SEMA5A: variants seen among roughly 807,000 people sequenced by gnomAD.
The protein encoded by SEMA5A is semaphorin 5A, also known as semaphorin-5A.
A neutral mutation model predicts 135.5 loss-of-function variants in SEMA5A; 55 were observed. That is an observed-to-expected ratio of 0.41 (90% CI 0.33 to 0.51). SEMA5A has a LOEUF of 0.51. Ranked by LOEUF, SEMA5A falls within the 20% of genes least tolerant of loss-of-function variation. The pLI, the probability that SEMA5A is intolerant of heterozygous loss-of-function variation, is 0.37. For synonymous variants in SEMA5A, 580 were observed against 546.5 expected (o/e 1.06, Z -0.85); for missense variants, 1,290 against 1,419.9 (o/e 0.91, Z 1.47).
At chr5:9,221,583 T>G (rs950115106) in intron 8 of SEMA5A, among the ~76,000 whole-genome samples, 73 of 152,170 alleles carry the variant, frequency 4.8e-4, no homozygotes, top group African/African-American at 1.7e-3. Flanking sequence ...ATTACAGGCG[T>G]GAGCCACCGC....
chr5:9,108,243 G>A lies in SEMA5A; in HGVS notation c.1970C>T (p.Thr657Ile). Reference sequence around the variant, plus strand: ...GCACCGTTCCCAAGGACCCCAGCCTGTCCAGAACATGTGTGGGGGACATAG... The same window carrying A: ...GCACCGTTCCCAAGGACCCCAGCCTATCCAGAACATGTGTGGGGGACATAG... ...HLLCPPHMFW[T>I]GWGPWERCTA... The change falls in exon 16 of 23, where the codon ACA becomes ATA. Residue 657 changes from threonine (T) to isoleucine (I), a missense_variant. Thr to Ile is a moderately conservative substitution (Grantham distance 89). Around this residue, in one of 3 missense-constraint regions of SEMA5A, gnomAD observed 1,029 missense variants for 1,086.6 expected, o/e 0.95. Transcript: ENST00000382496. 2 of 1,614,166 alleles carry A rather than the reference G, an allele frequency of 1.2e-6. No individual in the cohort carries two copies. Among genetic ancestry groups the A allele is most frequent in the Non-Finnish European group, 1.7e-6 (2 of 1,180,024 alleles).
intron 11 of SEMA5A, among the ~76,000 whole-genome samples, chr5:9,176,764 C>T (rs1744228133): frequency 6.6e-6 from 1 of 152,162 alleles, no homozygotes; most frequent in Non-Finnish European, 1.5e-5. Context: ...AGGATGGCCA[C>T]TCTGCCAGCT....
intron 2 of SEMA5A, among the ~76,000 whole-genome samples, chr5:9,384,639 GATAGA>G: frequency 1.1e-5 from 1 of 94,206 alleles, no homozygotes; most frequent in East Asian, 2.5e-4. Context: ...TAGATAGATA[GATAGA>G]TAGATAGATA....
chr5:9,389,592 G>T (rs1756060392), intron 2 of SEMA5A, among the ~76,000 whole-genome samples: 1 of 152,068 alleles, frequency 6.6e-6, no homozygotes, highest in South Asian at 2.1e-4. Flanking sequence ...TCCTCATTTT[G>T]TGAGTGTCTT....
chr5:9,396,231 T>G (rs1393458259), intron 2 of SEMA5A, among the ~76,000 whole-genome samples: 1 of 137,754 alleles, frequency 7.3e-6, no homozygotes, highest in Admixed American at 7.7e-5. Flanking sequence ...CTCTTTTGAT[T>G]TAATGCGCGT....
At chr5:9,225,144 G>C (rs1747222767) in intron 7 of SEMA5A, among the ~76,000 whole-genome samples, 1 of 151,962 alleles carries the variant, frequency 6.6e-6, no homozygotes, top group Non-Finnish European at 1.5e-5. Context: ...CACAAAATAA[G>C]AAATAAGATC....
intron 5 of SEMA5A, among the ~76,000 whole-genome samples, chr5:9,244,387 A>G (rs566499226): frequency 1.3e-5 from 2 of 152,270 alleles, no homozygotes; most frequent in African/African-American, 4.8e-5. Flanking sequence ...TGGTCTCTGA[A>G]CAAAGCAGAC....
chr5:9,162,581 TATATAC>T (rs1361432058), intron 11 of SEMA5A, among the ~76,000 whole-genome samples: 1 of 115,332 alleles, frequency 8.7e-6, no homozygotes, highest in Admixed American at 9.2e-5. Flanking sequence ...TATATATATA[TATATAC>T]ACACACACAC....
At position 9,237,815 on chromosome 5, in the gene SEMA5A, G is replaced by A. The variant is rs368141486; in HGVS notation, c.333+13C>T. The A allele has an allele frequency of 5.5e-5, 89 of 1,612,624 alleles. No individual in the cohort carries two copies. The African/African-American group carries it at 9.6e-4, about 17-fold the overall frequency. On this transcript the variant is annotated intron_variant, in intron 6 of 22. Coordinates refer to ENST00000382496, the MANE Select transcript of SEMA5A (RefSeq NM_003966.3). ...GACAGGGTGATGGCTGCTCATAATT[G>A]CATTCTTCTTACCTTTGATTTGCCT...
chr5:9,300,048 G>A (rs926523966), intron 5 of SEMA5A, among the ~76,000 whole-genome samples: 8 of 151,932 alleles, frequency 5.3e-5, no homozygotes, highest in South Asian at 2.1e-4. Context: ...TTTGGGGGGC[G>A]GGGGGCAGGT....
intron 16 of SEMA5A, among the ~76,000 whole-genome samples, chr5:9,068,101 C>G (rs1373680789): frequency 6.6e-6 from 1 of 152,108 alleles, no homozygotes; most frequent in East Asian, 1.9e-4. Flanking sequence ...AGGTTGTAGT[C>G]TTTCTCTATA....
chr5:9,487,059 A>T (rs1013402131), intron 1 of SEMA5A, among the ~76,000 whole-genome samples: 10 of 152,186 alleles, frequency 6.6e-5, no homozygotes, highest in African/African-American at 2.2e-4. Flanking sequence ...AACAAAACAA[A>T]ACACTATCAC....
At chr5:9,368,134 C>G (rs1393310130) in intron 3 of SEMA5A, among the ~76,000 whole-genome samples, 2 of 152,162 alleles carry the variant, frequency 1.3e-5, no homozygotes, top group East Asian at 1.9e-4. Flanking sequence ...TAAAGATAAT[C>G]TTGGATTTCA....
chr5:9,332,595 C>T (rs886151766), intron 4 of SEMA5A, among the ~76,000 whole-genome samples: 2 of 141,000 alleles, frequency 1.4e-5, no homozygotes, highest in African/African-American at 2.7e-5. Context: ...AGGTGTGCAA[C>T]GTGTGAAGTT....
chr5:9,144,597 G>T (rs538756536), intron 12 of SEMA5A, among the ~76,000 whole-genome samples: 134 of 152,260 alleles, frequency 8.8e-4, no homozygotes, highest in African/African-American at 3.2e-3. Flanking sequence ...ATGACTGCTG[G>T]GCAGCCGGTG....
chr5:9,093,208 C>T (rs1739130017), intron 16 of SEMA5A, among the ~76,000 whole-genome samples: 1 of 152,156 alleles, frequency 6.6e-6, no homozygotes, highest in African/African-American at 2.4e-5. Flanking sequence ...ATACATATAT[C>T]TGAAACCATA....
intron 15 of SEMA5A, among the ~76,000 whole-genome samples, chr5:9,111,382 C>A (rs1044556234): frequency 2.0e-5 from 3 of 152,186 alleles, no homozygotes; most frequent in African/African-American, 7.2e-5. Flanking sequence ...AGCAACTGAG[C>A]TACCATTTCC....
At chr5:9,187,026 C>A (rs1362008020) in intron 11 of SEMA5A, among the ~76,000 whole-genome samples, 2 of 152,074 alleles carry the variant, frequency 1.3e-5, no homozygotes, top group Non-Finnish European at 2.9e-5. Flanking sequence ...CTTGATGTAA[C>A]TACTGGGGCT....
At chr5:9,337,933 A>G in intron 3 of SEMA5A, 121 bp from the exon 4 acceptor site, 1 of 653,396 alleles carries the variant, frequency 1.5e-6, no homozygotes, top group South Asian at 2.2e-5. Flanking sequence ...AGGTCCCTCT[A>G]TGCCATCTTT....
Sources: allele counts gnomAD v4.1 joint callset (sites outside exome capture counted in the v4.1 genomes callset), GRCh38; gene constraint gnomAD v4.1.1; regional missense constraint gnomAD v4.1.1; transcripts MANE v1.5; gene names NCBI Gene and HGNC (gene_info 2026-07-23, HGNC 2026-07-21).